POLR3B: variants seen among roughly 807,000 people sequenced by gnomAD.
POLR3B encodes the protein RNA polymerase III subunit B.
POLR3B carries 96 observed loss-of-function variants against 147.4 expected under a neutral mutation model. The ratio of observed to expected loss-of-function variants is 0.65; its 90% CI spans 0.55 to 0.77. The LOEUF (loss-of-function observed/expected upper bound fraction) is 0.77. Ranked by LOEUF, POLR3B falls within the 30% of genes least tolerant of loss-of-function variation. The pLI, the probability that POLR3B is intolerant of heterozygous loss-of-function variation, is 0.00. For synonymous variants in POLR3B, 461 were observed against 485.9 expected, an observed-to-expected ratio of 0.95 and a Z score of 0.67; for missense variants, 1,036 against 1,413.5, an observed-to-expected ratio of 0.73 and a Z score of 4.28.
intron 25 of POLR3B, among the ~76,000 whole-genome samples, chr12:106,498,431 C>T (rs867068248): frequency 1.2e-4 from 18 of 152,186 alleles, no homozygotes; most frequent in African/African-American, 4.1e-4. Context: ...CTGGAATCAT[C>T]GTGGTTTTTA....
At chr12:106,457,381 G>T in intron 21 of POLR3B, 85 bp downstream of exon 21, 7 of 1,194,990 alleles carry the variant, frequency 5.9e-6, no homozygotes, top group Non-Finnish European at 8.6e-6. Context: ...TGGCAAAAAG[G>T]GCAGAAAAAA....
chr12:106,360,592 A>G (rs1004616788), intron 1 of POLR3B, among the ~76,000 whole-genome samples: 1 of 152,178 alleles, frequency 6.6e-6, no homozygotes, highest in Non-Finnish European at 1.5e-5. Flanking sequence ...TTTCGCTGCA[A>G]CTTTTTCTAG....
chr12:106,502,625 T>G (rs1197007669), intron 26 of POLR3B, among the ~76,000 whole-genome samples: 1 of 152,124 alleles, frequency 6.6e-6, no homozygotes, highest in African/African-American at 2.4e-5. Flanking sequence ...CATTTTTTTT[T>G]TAAGCCAAGG....
intron 19 of POLR3B, 125 bp from the exon 20 acceptor site, chr12:106,454,376 AT>A: frequency 1.5e-6 from 1 of 662,804 alleles, no homozygotes; most frequent in East Asian, 2.7e-5. Flanking sequence ...TGCTTTTGAA[AT>A]GTTGAACCTG....
intron 19 of POLR3B, among the ~76,000 whole-genome samples, chr12:106,453,588 A>G (rs1386866938): frequency 2.0e-5 from 3 of 152,154 alleles, no homozygotes; most frequent in African/African-American, 7.2e-5. Flanking sequence ...TCAGTAGCCC[A>G]CACTCAAGCT....
chr12:106,378,816 ATTG>A (rs1398484517), intron 8 of POLR3B, among the ~76,000 whole-genome samples: 1 of 152,092 alleles, frequency 6.6e-6, no homozygotes, highest in African/African-American at 2.4e-5. Context: ...TTAACACCCT[ATTG>A]TTAGTTTTCT....
intron 6 of POLR3B, among the ~76,000 whole-genome samples, chr12:106,375,441 A>G (rs1734130408): frequency 6.6e-6 from 1 of 152,140 alleles, no homozygotes; most frequent in African/African-American, 2.4e-5. Context: ...GCCATCTAGA[A>G]GTCTGATTAG....
At chr12:106,491,433 A>G (rs1424221477) in intron 23 of POLR3B, among the ~76,000 whole-genome samples, 1 of 152,162 alleles carries the variant, frequency 6.6e-6, no homozygotes, top group Non-Finnish European at 1.5e-5. Flanking sequence ...AAACCTCACT[A>G]ATACTGGGCA....
chr12:106,383,396 T>C (rs2036791721), intron 9 of POLR3B, among the ~76,000 whole-genome samples: 1 of 152,238 alleles, frequency 6.6e-6, no homozygotes, highest in South Asian at 2.1e-4. Context: ...TCTCAGCTTT[T>C]GACACGCCTT....
rs1044681158 is a variant in POLR3B, at chr12:106,418,702, C to G, written c.1101+7742C>G. ...AACAGGCTGAAAGGCCTTGTGCTACCAAGGTATTGAATATTATCACCAGCA... is the reference window on the plus strand; with the variant it reads ...AACAGGCTGAAAGGCCTTGTGCTACGAAGGTATTGAATATTATCACCAGCA... On this transcript the variant is annotated intron_variant, in intron 12 of 27. Coordinates refer to ENST00000228347, the MANE Select transcript of POLR3B (RefSeq NM_018082.6). Among the ~76,000 whole-genome samples, 5 of 152,248 alleles carry G rather than the reference C, an allele frequency of 3.3e-5. No homozygotes were observed. In the South Asian group the frequency reaches 1.0e-3, roughly 32 times the overall value.
At chr12:106,474,846 G>T (rs2137049608) in intron 23 of POLR3B, among the ~76,000 whole-genome samples, 2 of 152,050 alleles carry the variant, frequency 1.3e-5, no homozygotes, top group Admixed American at 6.5e-5. Context: ...TTTGAAGGGT[G>T]TTTTGTGTCT....
chr12:106,409,154 A>G (rs2037187718), intron 11 of POLR3B, among the ~76,000 whole-genome samples: 1 of 152,210 alleles, frequency 6.6e-6, no homozygotes, highest in African/African-American at 2.4e-5. Context: ...GATAACTACA[A>G]CTAGAAGAGT....
intron 6 of POLR3B, among the ~76,000 whole-genome samples, chr12:106,370,719 C>T (rs1342181101): frequency 6.6e-6 from 1 of 150,398 alleles, no homozygotes; most frequent in African/African-American, 2.5e-5. Context: ...GCAACCTCTG[C>T]CTCCCGGGTT....
intron 1 of POLR3B, among the ~76,000 whole-genome samples, chr12:106,359,257 G>A (rs1016798064): frequency 6.6e-6 from 1 of 151,738 alleles, no homozygotes; most frequent in Non-Finnish European, 1.5e-5. Flanking sequence ...ACAAGTTAAG[G>A]AAGTTGAATT....
At chr12:106,437,568 C>T (rs2037593768) in intron 17 of POLR3B, 113 bp from the exon 18 acceptor site, 2 of 704,826 alleles carry the variant, frequency 2.8e-6, no homozygotes, top group Non-Finnish European at 5.2e-6. Context: ...ATGATATTCT[C>T]TGGGAGAGAA....
intron 6 of POLR3B, 70 bp downstream of exon 6, chr12:106,369,753 C>T: frequency 1.0e-6 from 1 of 1,002,014 alleles, no homozygotes; most frequent in South Asian, 1.3e-5. Flanking sequence ...CCCATTTCCT[C>T]ATCTGAAAAA....
chr12:106,441,488 T>A (rs968072766), intron 18 of POLR3B, among the ~76,000 whole-genome samples: 2 of 152,188 alleles, frequency 1.3e-5, no homozygotes, highest in African/African-American at 4.8e-5. Context: ...AGTATTTGTG[T>A]ATCAAAACAT....
intron 7 of POLR3B, among the ~76,000 whole-genome samples, chr12:106,377,856 A>G (rs1338271265): frequency 1.3e-5 from 2 of 152,178 alleles, no homozygotes; most frequent in Non-Finnish European, 2.9e-5. Flanking sequence ...GTGCACTGAG[A>G]GGCTGAGGCG....
chr12:106,406,664 A>G (rs950446717), intron 11 of POLR3B, among the ~76,000 whole-genome samples: 3 of 152,248 alleles, frequency 2.0e-5, no homozygotes, highest in Admixed American at 6.5e-5. Flanking sequence ...TGGTAAGAGT[A>G]AGGGTTAGAA....
Sources: gnomAD v4.1 joint callset for allele counts (sites outside exome capture counted in the v4.1 genomes callset) on GRCh38, gnomAD v4.1.1 for gene constraint, MANE v1.5 for transcripts, NCBI Gene and HGNC (gene_info 2026-07-23, HGNC 2026-07-21) for gene names.